CREB1: variants seen among roughly 807,000 people sequenced by gnomAD.
CREB1 encodes cyclic AMP-responsive element-binding protein 1.
A neutral mutation model predicts 42.0 loss-of-function variants in CREB1; 2 were observed. The ratio of observed to expected loss-of-function variants is 0.05; its 90% confidence interval spans 0.02 to 0.15. The LOEUF (loss-of-function observed/expected upper bound fraction) is 0.15, where lower values mean the gene tolerates loss of function less well. Among genes scored for constraint, CREB1 ranks in the 10% least tolerant of loss-of-function variants. The probability of loss-of-function intolerance (pLI) is 1.00; values close to 1 mark genes in which losing one functional copy is unlikely to be tolerated. For missense variants in CREB1, 199 were observed against 388.9 expected, an observed-to-expected ratio of 0.51 and a Z score of 4.11; for synonymous variants, 123 against 139.9, an observed-to-expected ratio of 0.88 and a Z score of 0.85.
chr2:207,575,482 G>A, intron 6 of CREB1, 28 bp downstream of exon 6: 2 of 1,536,698 alleles, frequency 1.3e-6, no homozygotes, highest in African/African-American at 1.4e-5. Flanking sequence ...TCACAGGTGT[G>A]GTAAATTCTT....
At position 207,602,225 on chromosome 2, in the gene CREB1, TAAA is replaced by T. The variant is rs1213731177; in HGVS notation, c.*5172_*5174del. Reference sequence around the variant, plus strand: ...GTGTTTTAGCTTGAAATTTATTTTTTAAAAAAAGAAAAATTTAAAAAATATATA... The same window carrying T: ...GTGTTTTAGCTTGAAATTTATTTTTTAAAAGAAAAATTTAAAAAATATATA... On this transcript the variant is annotated 3_prime_UTR_variant, in exon 8 of 8. Transcript: ENST00000353267. 1.6e-5 allele frequency: 3 copies of T among 185,446 alleles called. No individual in the cohort carries two copies. Among genetic ancestry groups the T allele is most frequent in the African/African-American group, 7.0e-5 (3 of 42,574 alleles). 11.5% of individuals were successfully genotyped at this position (185,446 alleles called of 1,614,324 possible). A position where few individuals can be genotyped will look rare whatever the true frequency, so the allele number is the denominator to read the frequency against.
chr2:207,586,895 AG>A (rs1395089785), intron 7 of CREB1, among the ~76,000 whole-genome samples: 3 of 152,352 alleles, frequency 2.0e-5, no homozygotes, highest in Non-Finnish European at 2.9e-5. Context: ...CAAACTGATG[AG>A]GATGCAGAGA....
chr2:207,557,622 C>T (rs2081783154), intron 2 of CREB1, among the ~76,000 whole-genome samples: 3 of 152,136 alleles, frequency 2.0e-5, no homozygotes, highest in Non-Finnish European at 4.4e-5. Context: ...CGCACCACTG[C>T]ACTCCAGCCT....
At chr2:207,594,641 C>G (rs2085758056) in intron 7 of CREB1, among the ~76,000 whole-genome samples, 2 of 152,156 alleles carry the variant, frequency 1.3e-5, no homozygotes, top group African/African-American at 4.8e-5. Flanking sequence ...TGGGCTGCTT[C>G]CACCTCTTGG....
At chr2:207,577,411 A>G in intron 6 of CREB1, 94 bp from the exon 7 acceptor site, 1 of 1,466,610 alleles carries the variant, frequency 6.8e-7, no homozygotes, top group East Asian at 2.3e-5. Flanking sequence ...TTTCCCTTTT[A>G]GTCCAAAATA....
intron 1 of CREB1, among the ~76,000 whole-genome samples, chr2:207,541,194 G>C (rs1351838333): frequency 6.6e-6 from 1 of 152,022 alleles, no homozygotes; most frequent in Non-Finnish European, 1.5e-5. Flanking sequence ...ACTCCAGCCT[G>C]GGTGACAAGA....
At chr2:207,543,555 T>G (rs1032187636) in intron 1 of CREB1, among the ~76,000 whole-genome samples, 2 of 152,144 alleles carry the variant, frequency 1.3e-5, no homozygotes, top group African/African-American at 2.4e-5. Flanking sequence ...GCATTATCTC[T>G]TTGTAAAGTT....
chr2:207,552,151 G>A (rs1051137993), intron 1 of CREB1, among the ~76,000 whole-genome samples: 69 of 151,940 alleles, frequency 4.5e-4, no homozygotes, highest in African/African-American at 1.4e-3. Context: ...TTTAAATGGG[G>A]CTCCTATACA....
intron 7 of CREB1, chr2:207,581,067 T>C (rs1362926749): frequency 4.7e-6 from 1 of 213,884 alleles, no homozygotes; most frequent in South Asian, 1.9e-4. Flanking sequence ...TATGTAACTT[T>C]ACATTGTAGG....
At chr2:207,561,024 A>T in intron 3 of CREB1, 3 of 1,077,078 alleles carry the variant, frequency 2.8e-6, no homozygotes, top group Non-Finnish European at 4.3e-6. Flanking sequence ...AGCAGTATAG[A>T]TCATTGCAAT....
At position 207,540,669 on chromosome 2, in the gene CREB1, TAAAAAAAA is replaced by T. The variant is rs35714520; in HGVS notation, c.-9+10556_-9+10563del. The stretch of plus-strand genomic sequence containing the variant: ...AAGTTTAACAAAAAAGTTTAAAAAG[TAAAAAAAA>T]AAAAAAAAAAAAAAAAAAAAGGAAA... On this transcript the variant is annotated intron_variant, in intron 1 of 7. Transcript: ENST00000353267. Among the ~76,000 whole-genome samples, 503 of 64,264 alleles carry T rather than the reference TAAAAAAAA, an allele frequency of 7.8e-3. 5 individuals are homozygous for T. Among genetic ancestry groups the T allele is most frequent in the African/African-American group, 0.029 (419 of 14,338 alleles). The allele number at this position is 64,264 out of a possible 152,430, so 42.2% of individuals were successfully genotyped here. A position where few individuals can be genotyped will look rare whatever the true frequency, so the allele number is the denominator to read the frequency against.
chr2:207,562,961 CAAG>C (rs2082010382), intron 3 of CREB1, among the ~76,000 whole-genome samples: 1 of 152,062 alleles, frequency 6.6e-6, no homozygotes, highest in Non-Finnish European at 1.5e-5. Flanking sequence ...TCTCTGTTCT[CAAG>C]AAGATCACAT....
intron 7 of CREB1, among the ~76,000 whole-genome samples, chr2:207,585,224 G>T (rs527517374): frequency 4.5e-4 from 68 of 152,270 alleles, no homozygotes; most frequent in African/African-American, 1.6e-3. Context: ...CAGCCAACCT[G>T]ATGTCCCCAT....
At chr2:207,567,651 T>C in intron 4 of CREB1, 88 bp downstream of exon 4, 1 of 790,462 alleles carries the variant, frequency 1.3e-6, no homozygotes, top group Non-Finnish European at 2.1e-6. Flanking sequence ...AGTTAGTTGT[T>C]CACGTCAGTT....
chr2:207,590,323 G>A (rs554414366), intron 7 of CREB1, among the ~76,000 whole-genome samples: 5 of 151,280 alleles, frequency 3.3e-5, no homozygotes, highest in African/African-American at 1.2e-4. Context: ...CTCTCTCTCT[G>A]TATTCGCCAC....
intron 1 of CREB1, among the ~76,000 whole-genome samples, chr2:207,538,795 G>A (rs1335311126): frequency 3.9e-5 from 6 of 152,078 alleles, no homozygotes; most frequent in African/African-American, 1.4e-4. Context: ...AAATGAAGAC[G>A]TTTCTTTCAT....
At chr2:207,553,243 G>C (rs2081586712) in intron 1 of CREB1, among the ~76,000 whole-genome samples, 1 of 150,718 alleles carries the variant, frequency 6.6e-6, no homozygotes, top group African/African-American at 2.4e-5. Context: ...TAGTTTTTAT[G>C]TTTTTAGTAG....
chr2:207,530,596 C>G (rs1317608845), intron 1 of CREB1, among the ~76,000 whole-genome samples: 2 of 147,828 alleles, frequency 1.4e-5, no homozygotes, highest in East Asian at 3.9e-4. Context: ...CCCCGCCGCC[C>G]GCCTCGCCCC....
chr2:207,594,553 C>A (rs1287364588), intron 7 of CREB1, among the ~76,000 whole-genome samples: 1 of 152,144 alleles, frequency 6.6e-6, no homozygotes, highest in Non-Finnish European at 1.5e-5. Flanking sequence ...AGAGGGCCTT[C>A]CTAAGGCTGA....
Sources: gnomAD v4.1 joint callset for allele counts (sites outside exome capture counted in the v4.1 genomes callset) on GRCh38, gnomAD v4.1.1 for gene constraint, MANE v1.5 for transcripts, NCBI Gene and HGNC (gene_info 2026-07-23, HGNC 2026-07-21) for gene names.